The following DEPDC5 variants were observed in gnomAD, a reference collection of about 807,000 sequenced individuals.
The protein encoded by DEPDC5 is DEP domain containing 5, GATOR1 subcomplex subunit.
In DEPDC5, 73 loss-of-function variants were observed where a neutral mutation model predicts 217.3. The observed-to-expected ratio is 0.34, with a 90% CI of 0.28 to 0.41. The LOEUF is 0.41. Ranked by LOEUF, DEPDC5 falls within the 10% of genes least tolerant of loss-of-function variation. The pLI is 1.00. For synonymous variants in DEPDC5, 733 were observed against 756.7 expected (o/e 0.97, Z 0.51); for missense variants, 1,675 against 2,070.1 (o/e 0.81, Z 3.70).
intron 3 of DEPDC5, among the ~76,000 whole-genome samples, 183 bp downstream of exon 3, chr22:31,758,816 G>A (rs1438830690): frequency 6.6e-6 from 1 of 151,954 alleles, no homozygotes; most frequent in African/African-American, 2.4e-5. Context: ...ACCAGCCTGG[G>A]CAACATAGAG....
chr22:31,838,583 GGT>G, intron 26 of DEPDC5, 100 bp from the exon 27 acceptor site: 1 of 1,464,880 alleles, frequency 6.8e-7, no homozygotes, highest in Non-Finnish European at 9.3e-7. Flanking sequence ...ACCATAGAAT[GGT>G]TATAAGGGGA....
intron 38 of DEPDC5, among the ~76,000 whole-genome samples, chr22:31,893,022 T>C (rs531597425): frequency 6.6e-6 from 1 of 152,124 alleles, no homozygotes; most frequent in East Asian, 1.9e-4. Flanking sequence ...ACTACAGGTG[T>C]GCACCACCAC....
At position 31,810,551 on chromosome 22, in the gene DEPDC5, C is replaced by T. The variant is rs202226316; in HGVS notation, c.1355C>T (p.Ala452Val). Reference sequence around the variant, plus strand: ...GGGAGTCCAAAAGAATCTGAGAACGCCCTTCCCATCCAAGTAGATTATGAC... The same window carrying T: ...GGGAGTCCAAAAGAATCTGAGAACGTCCTTCCCATCCAAGTAGATTATGAC... ...SLGSPKESEN[A>V]LPIQVDYDAY... Residue 452 changes from alanine (A) to valine (V), a missense_variant, in exon 20 of 43, where the codon GCC (alanine) becomes GTC (valine). Ala to Val is a moderately conservative substitution (Grantham distance 64). Transcript: ENST00000651528. The T allele has an allele frequency of 2.5e-4, 398 of 1,613,984 alleles. 1 individual carries two copies. Among genetic ancestry groups the T allele is most frequent in the Non-Finnish European group, 4.9e-5 (58 of 1,180,032 alleles).
chr22:31,763,956 G>A (rs766628582), intron 4 of DEPDC5, among the ~76,000 whole-genome samples: 12 of 152,156 alleles, frequency 7.9e-5, no homozygotes, highest in Non-Finnish European at 1.5e-4. Flanking sequence ...TTGAGATGGA[G>A]TATCCCTCTG....
Position 31,857,438 on chromosome 22 carries a change from C to A in DEPDC5, c.3156-7C>A. ...AAGCTGCTGTCATGTGCTTTTCCTC[C>A]TTTCAGGTGCCTGGGAGAACAGCAG... On this transcript the variant is annotated splice_region_variant and splice_polypyrimidine_tract_variant and intron_variant, in intron 31 of 42. Transcript: ENST00000651528. 1 of 1,595,474 alleles carries A rather than the reference C, an allele frequency of 6.3e-7. No homozygotes were observed. The highest frequency in any genetic ancestry group is 8.5e-7 in the Non-Finnish European group (1 of 1,170,768).
intron 8 of DEPDC5, among the ~76,000 whole-genome samples, chr22:31,779,723 A>C (rs1162832082): frequency 6.6e-6 from 1 of 152,212 alleles, no homozygotes; most frequent in African/African-American, 2.4e-5. Context: ...TTTCTCTGTC[A>C]TGTAAAAGAA....
intron 40 of DEPDC5, among the ~76,000 whole-genome samples, chr22:31,900,290 A>G (rs1161722272): frequency 1.3e-5 from 2 of 151,308 alleles, no homozygotes; most frequent in African/African-American, 4.9e-5. Context: ...CAGGTGATCC[A>G]CCCACCTCAG....
At chr22:31,823,553 A>G (rs894997475) in intron 24 of DEPDC5, among the ~76,000 whole-genome samples, 3 of 150,938 alleles carry the variant, frequency 2.0e-5, no homozygotes, top group Non-Finnish European at 3.0e-5. Flanking sequence ...AAAAAAAAAA[A>G]AGAGAAGTGA....
chr22:31,807,023 A>C (rs1376497205), intron 18 of DEPDC5, among the ~76,000 whole-genome samples: 2 of 152,192 alleles, frequency 1.3e-5, no homozygotes, highest in South Asian at 2.1e-4. Flanking sequence ...GGAAACAAAC[A>C]AACCAAGAAA....
intron 35 of DEPDC5, chr22:31,873,719 A>G: frequency 5.9e-6 from 1 of 169,978 alleles, no homozygotes; most frequent in South Asian, 1.4e-4. Flanking sequence ...AAGTATAGGT[A>G]TTCTCCGAAT....
rs374158137 is a variant in DEPDC5 at position 31,837,126 on chromosome 22, T to C, written c.2325T>C (p.Tyr775=). 1.6e-5 allele frequency: 26 copies of C among 1,614,032 alleles called. No individual in the cohort carries two copies. In the African/African-American group the frequency reaches 2.8e-4, roughly 17 times the overall value. The stretch of plus-strand genomic sequence containing the variant: ...AGAATGACTACACAGAGGGCTGTTA[T>C]GATCTCCTTCCAGAAGCAGACATCG... ...GLQNDYTEGC[Y]DLLPEADIDR... is the part of the protein sequence containing the mutation. The change falls in exon 26 of 43, where the codon TAT becomes TAC. Residue 775 remains tyrosine (Y), a synonymous_variant. Coordinates refer to ENST00000651528, the MANE Select transcript of DEPDC5 (RefSeq NM_001242896.3).
chr22:31,758,064 T>C (rs1170650773), intron 2 of DEPDC5, among the ~76,000 whole-genome samples: 2 of 152,140 alleles, frequency 1.3e-5, no homozygotes, highest in Non-Finnish European at 2.9e-5. Flanking sequence ...GCTCCTGGAC[T>C]CTCTGAGGTT....
intron 38 of DEPDC5, among the ~76,000 whole-genome samples, chr22:31,884,392 C>T (rs938089975): frequency 6.6e-6 from 1 of 152,230 alleles, no homozygotes; most frequent in Non-Finnish European, 1.5e-5. Context: ...GGGTTTCTGT[C>T]TATTCCCTCC....
intron 41 of DEPDC5, among the ~76,000 whole-genome samples, chr22:31,902,879 T>C (rs1305880073): frequency 6.6e-6 from 1 of 151,974 alleles, no homozygotes; most frequent in African/African-American, 2.4e-5. Flanking sequence ...AACTCACGAG[T>C]TTCTAAGTAG....
At position 31,778,241 on chromosome 22, in the gene DEPDC5, A is replaced by G. The variant is rs2084082018; in HGVS notation, c.483+73A>G. 7 of 1,491,892 alleles carry G rather than the reference A, an allele frequency of 4.7e-6. 1 individual carries two copies. The highest frequency in any genetic ancestry group is 4.7e-6 in the Non-Finnish European group (5 of 1,070,714). 92.4% of individuals were successfully genotyped at this position (1,491,892 alleles called of 1,614,324 possible). A position where few individuals can be genotyped will look rare whatever the true frequency, so the allele number is the denominator to read the frequency against. On this transcript the variant is annotated intron_variant, in intron 8 of 42. Transcript: ENST00000651528. ...TGGCTAAGTCCTAAAATCAAAAATA[A>G]AACAAGGGCGGGGCAGGACACCAAG...
intron 24 of DEPDC5, among the ~76,000 whole-genome samples, chr22:31,833,369 G>T (rs1388332014): frequency 6.6e-6 from 1 of 152,170 alleles, no homozygotes; most frequent in African/African-American, 2.4e-5. Flanking sequence ...TGTTAAAGTA[G>T]TGAGTTTTGA....
intron 3 of DEPDC5, among the ~76,000 whole-genome samples, chr22:31,760,410 T>C (rs2082292462): frequency 6.6e-6 from 1 of 152,134 alleles, no homozygotes; most frequent in East Asian, 1.9e-4. Context: ...TTCACCGTGT[T>C]AGCCAGGATG....
rs1602428136 is a variant in DEPDC5 at position 31,852,849 on chromosome 22, G to A, written c.3156-4596G>A. The A allele has an allele frequency of 3.3e-5, 5 of 152,470 alleles. No individual in the cohort carries two copies. In the South Asian group the frequency reaches 1.0e-3, roughly 32 times the overall value. The allele number at this position is 152,470 out of a possible 1,614,324, so 9.4% of individuals were successfully genotyped here. Reference sequence around the variant, plus strand: ...GTTTTTTCGGAGATGAGCTCCCTGTGTGGGAAGGCTTGGTGGGCGGGGGCC... The same window carrying A: ...GTTTTTTCGGAGATGAGCTCCCTGTATGGGAAGGCTTGGTGGGCGGGGGCC... On this transcript the variant is annotated intron_variant, in intron 31 of 42. Transcript: ENST00000651528.
intron 6 of DEPDC5, among the ~76,000 whole-genome samples, chr22:31,768,018 T>C (rs541152387): frequency 1.3e-5 from 2 of 152,136 alleles, no homozygotes; most frequent in East Asian, 3.9e-4. Context: ...GTGCTGGGAT[T>C]ACAGGTGTGA....
Sources: gnomAD v4.1 joint callset for allele counts (sites outside exome capture counted in the v4.1 genomes callset) on GRCh38, gnomAD v4.1.1 for gene constraint, MANE v1.5 for transcripts, NCBI Gene and HGNC (gene_info 2026-07-23, HGNC 2026-07-21) for gene names.